IL7R: variants seen among roughly 807,000 people sequenced by gnomAD.
The protein encoded by IL7R is interleukin-7 receptor subunit alpha.
A neutral mutation model predicts 47.0 loss-of-function variants in IL7R; 38 were observed. The ratio of observed to expected loss-of-function variants is 0.81; its 90% CI spans 0.62 to 1.06. The LOEUF is 1.06. IL7R is among the 50% of genes least tolerant of loss of function. IL7R has a pLI of 0.00. For missense variants in IL7R, 633 were observed against 534.8 expected, an observed-to-expected ratio of 1.18 and a Z score of -1.81; for synonymous variants, 221 against 199.8, an observed-to-expected ratio of 1.11 and a Z score of -0.89.
intron 3 of IL7R, among the ~76,000 whole-genome samples, 163 bp from the exon 4 acceptor site, chr5:35,870,893 C>T (rs777101143): frequency 6.6e-6 from 1 of 152,150 alleles, no homozygotes; most frequent in Non-Finnish European, 1.5e-5. Flanking sequence ...CTGGAGAATG[C>T]GGACTGGATT....
intron 2 of IL7R, 120 bp from the exon 3 acceptor site, chr5:35,867,186 C>A: frequency 2.4e-6 from 2 of 847,636 alleles, no homozygotes; most frequent in Non-Finnish European, 3.9e-6. Context: ...TCCACTCACC[C>A]ACCCACATAC....
Position 35,876,568 on chromosome 5 carries a change from C to A in IL7R, c.*82C>A. 1 of 1,482,208 alleles carries A rather than the reference C, an allele frequency of 6.7e-7. No individual in the cohort carries two copies. The highest frequency in any genetic ancestry group is 9.3e-7 in the Non-Finnish European group (1 of 1,078,448). The allele number at this position is 1,482,208 out of a possible 1,614,324, so 91.8% of individuals were successfully genotyped here. A position where few individuals can be genotyped will look rare whatever the true frequency, so the allele number is the denominator to read the frequency against. ...AGTCTAGAGTTCCTAGTCTCCCTCACAGCACAGAGAAGACAAAATTAGCAA... is the reference window on the plus strand; with the variant it reads ...AGTCTAGAGTTCCTAGTCTCCCTCAAAGCACAGAGAAGACAAAATTAGCAA... On this transcript the variant is annotated 3_prime_UTR_variant, in exon 8 of 8. Transcript: ENST00000303115.
rs200927893 is a variant in IL7R, at chr5:35,875,477, C to A, written c.801-35C>A. 3.6e-5 allele frequency: 51 copies of A among 1,418,140 alleles called. No homozygotes were observed. In the Middle Eastern group the frequency reaches 5.3e-4, roughly 15 times the overall value. The allele number at this position is 1,418,140 out of a possible 1,614,324, so 87.8% of individuals were successfully genotyped here. On this transcript the variant is annotated intron_variant, in intron 6 of 7. Coordinates refer to ENST00000303115, the MANE Select transcript of IL7R (RefSeq NM_002185.5). ...GACTCAGTGTGCCTGTGCCCTCTGC[C>A]ATTCACTTCATCTATCAATGTTCTC...
Position 35,860,916 on chromosome 5 carries a change from T to C in IL7R, c.147T>C (p.Asn49=). The change falls in exon 2 of 8, where the codon AAT becomes AAC. Residue 49 remains asparagine (N), a synonymous_variant. Transcript: ENST00000303115. ...CATGCTATAGCCAGTTGGAAGTGAA[T>C]GGATCGCAGCACTCACTGACCTGTG... ...SFSCYSQLEV[N]GSQHSLTCAF... is the part of the protein sequence containing the mutation. 1 of 1,613,568 alleles carries C rather than the reference T, an allele frequency of 6.2e-7. No homozygotes were observed. Among genetic ancestry groups the C allele is most frequent in the Non-Finnish European group, 8.5e-7 (1 of 1,179,536 alleles).
intron 3 of IL7R, among the ~76,000 whole-genome samples, chr5:35,868,110 C>A (rs1425406063): frequency 7.2e-5 from 11 of 152,112 alleles, no homozygotes. Context: ...AGCAGATTTT[C>A]TGTATTGTAC....
intron 2 of IL7R, among the ~76,000 whole-genome samples, 186 bp from the exon 3 acceptor site, chr5:35,867,120 A>G (rs576837843): frequency 2.8e-4 from 42 of 152,322 alleles, no homozygotes; most frequent in Middle Eastern, 3.4e-3. Context: ...ACTAAGTATC[A>G]TAGCAGCAGA....
rs2149905317 is a variant in IL7R at position 35,876,067 on chromosome 5, G to A, written c.961G>A (p.Glu321Lys). ...VDDIQARDEVEGFLQDTFPQQ... is the reference protein window; with the variant it reads ...VDDIQARDEVKGFLQDTFPQQ... ...TGACATTCAAGCTAGAGATGAAGTGGAAGGTTTTCTGCAAGATACGTTTCC... is the reference window on the plus strand; with the variant it reads ...TGACATTCAAGCTAGAGATGAAGTGAAAGGTTTTCTGCAAGATACGTTTCC... The change falls in exon 8 of 8, where the codon GAA becomes AAA. Residue 321 changes from glutamate to lysine, a missense_variant. By Grantham distance (56) the Glu-to-Lys change is moderately conservative (BLOSUM62 1). Coordinates refer to ENST00000303115, the MANE Select transcript of IL7R (RefSeq NM_002185.5). The A allele has an allele frequency of 6.2e-7, 1 of 1,614,180 alleles. No homozygotes were observed. The highest frequency in any genetic ancestry group is 1.1e-5 in the South Asian group (1 of 91,076).
In IL7R at chr5:35,868,633, C is replaced by A. The variant is rs1016332003; in HGVS notation, c.379+1170C>A. ...GGTTCTGATCATTTGGAGATGAGGT[C>A]CCTATGGATAGGGCACCATATCTAA... On this transcript the variant is annotated intron_variant, in intron 3 of 7. Coordinates refer to ENST00000303115, the MANE Select transcript of IL7R (RefSeq NM_002185.5). Among the ~76,000 whole-genome samples, 11 of 152,218 alleles carry A rather than the reference C, an allele frequency of 7.2e-5. No individual in the cohort carries two copies. In the East Asian group the frequency reaches 2.1e-3, roughly 30 times the overall value.
At chr5:35,857,748 A>T (rs10213865) in intron 1 of IL7R, among the ~76,000 whole-genome samples, 1 of 151,944 alleles carries the variant, frequency 6.6e-6, no homozygotes, top group African/African-American at 2.4e-5. Context: ...AGTACCGAGA[A>T]GCCAACCCTG....
At position 35,878,376 on chromosome 5, in the gene IL7R, A is replaced by G. The variant is rs568146201; in HGVS notation, c.*1890A>G. On this transcript the variant is annotated 3_prime_UTR_variant, in exon 8 of 8. Transcript: ENST00000303115. ...AGGGGACCTAAAGACACATAAAAGG[A>G]TGGCATTCTGCCTCATAAATTGCAA... 1 of 230,444 alleles carries G rather than the reference A, an allele frequency of 4.3e-6. No homozygotes were observed. Among genetic ancestry groups the G allele is most frequent in the South Asian group, 1.8e-4 (1 of 5,492 alleles). The allele number at this position is 230,444 out of a possible 1,614,324, so 14.3% of individuals were successfully genotyped here.
At chr5:35,869,361 T>A (rs780345849) in intron 3 of IL7R, among the ~76,000 whole-genome samples, 1 of 152,160 alleles carries the variant, frequency 6.6e-6, no homozygotes, top group Non-Finnish European at 1.5e-5. Flanking sequence ...AGCCCCTTTT[T>A]CTAATTTGCT....
chr5:35,860,364 T>C (rs948925026), intron 1 of IL7R, among the ~76,000 whole-genome samples: 2 of 152,164 alleles, frequency 1.3e-5, no homozygotes, highest in Non-Finnish European at 1.5e-5. Flanking sequence ...GCTATCATTG[T>C]CCTTCATTTA....
chr5:35,878,937 C>T lies in IL7R; in HGVS notation c.*2451C>T. On this transcript the variant is annotated 3_prime_UTR_variant, in exon 8 of 8. Transcript: ENST00000303115. ...TCTTTGGAATTTAGTGTCTGAGCCT[C>T]TGTCTGTTACTGTAGTATTTAAAAT... The T allele has an allele frequency of 4.3e-6, 1 of 232,968 alleles. No homozygotes were observed. The highest frequency in any genetic ancestry group is 6.1e-5 in the East Asian group (1 of 16,482). The allele number at this position is 232,968 out of a possible 1,614,324, so 14.4% of individuals were successfully genotyped here. A position where few individuals can be genotyped will look rare whatever the true frequency, so the allele number is the denominator to read the frequency against.
intron 2 of IL7R, among the ~76,000 whole-genome samples, chr5:35,865,016 T>G (rs1384206944): frequency 6.6e-6 from 1 of 152,134 alleles, no homozygotes; most frequent in Non-Finnish European, 1.5e-5. Context: ...AACGTGTAGG[T>G]TTGTTACATA....
In IL7R at chr5:35,874,315, G is replaced by A. The variant is rs550116252; in HGVS notation, c.707-134G>A. ...ATCCCTCCATAAAGCTGTCAAATAT[G>A]TCTCTTAACTGAAAAGCAACTTTCA... On this transcript the variant is annotated intron_variant, in intron 5 of 7. Transcript: ENST00000303115. The A allele has an allele frequency of 5.8e-5, 44 of 757,140 alleles. 1 individual carries two copies. In the South Asian group the frequency reaches 5.9e-4, roughly 10 times the overall value. 46.9% of individuals were successfully genotyped at this position (757,140 alleles called of 1,614,324 possible).
chr5:35,874,420 G>T, intron 5 of IL7R, 29 bp from the exon 6 acceptor site: 1 of 1,480,968 alleles, frequency 6.8e-7, no homozygotes, highest in Non-Finnish European at 9.5e-7. Flanking sequence ...GCTACTGAAT[G>T]CTCACCACAA....
At chr5:35,871,499 C>A (rs1022210553) in intron 4 of IL7R, among the ~76,000 whole-genome samples, 1 of 152,132 alleles carries the variant, frequency 6.6e-6, no homozygotes, top group African/African-American at 2.4e-5. Context: ...CCTCTGTATT[C>A]AGGGGCCTCA....
intron 6 of IL7R, 186 bp from the exon 7 acceptor site, chr5:35,875,326 C>T: frequency 1.5e-6 from 1 of 662,886 alleles, no homozygotes; most frequent in South Asian, 1.6e-5. Flanking sequence ...TCCAACCCCT[C>T]CTTGAATTGA....
rs753909264 is a variant in IL7R at position 35,867,297 on chromosome 5, T to A, written c.222-9T>A. On this transcript the variant is annotated splice_polypyrimidine_tract_variant and intron_variant, in intron 2 of 7. Transcript: ENST00000303115. ...TGAATCAAGACATATCCCCTTTTTA[T>A]TCCTACAGTGGGGCCCTCGTGGAGG... 6.2e-7 allele frequency: 1 copy of A among 1,612,906 alleles called. No individual in the cohort carries two copies. Among genetic ancestry groups the A allele is most frequent in the South Asian group, 1.1e-5 (1 of 91,056 alleles).
Sources: allele counts gnomAD v4.1 joint callset (sites outside exome capture counted in the v4.1 genomes callset), GRCh38; gene constraint gnomAD v4.1.1; transcripts MANE v1.5; gene names NCBI Gene and HGNC (gene_info 2026-07-23, HGNC 2026-07-21).